The following MGA variants were observed in gnomAD, a reference collection of about 807,000 sequenced individuals.
MGA encodes MAX gene-associated protein.
Under a neutral mutation model 261.1 loss-of-function variants are expected in MGA, and 40 were observed. That is an observed-to-expected ratio of 0.15 (90% CI 0.12 to 0.20). The LOEUF (loss-of-function observed/expected upper bound fraction) is 0.20. Among genes scored for constraint, MGA ranks in the 10% least tolerant of loss-of-function variants. The pLI, the probability that MGA is intolerant of heterozygous loss-of-function variation, is 1.00. For missense variants in MGA, 3,397 were observed against 3,630.5 expected (o/e 0.94, Z 1.65); for synonymous variants, 1,302 against 1,290.6 (o/e 1.01, Z -0.19).
intron 2 of MGA, among the ~76,000 whole-genome samples, chr15:41,677,505 A>C (rs1703714195): frequency 6.6e-6 from 1 of 152,128 alleles, no homozygotes; most frequent in Non-Finnish European, 1.5e-5. Flanking sequence ...TCTATTTTTA[A>C]TTTTTTGAGG....
rs749852235 is a variant in MGA at position 41,736,349 on chromosome 15, A to G, written c.4085A>G (p.Asn1362Ser). ...ATCTTATCCCAGCACATCAATAGCA[A>G]CATGCCACAATCACTTAAGGTGGGC... The change falls in exon 13 of 24, where the codon AAC (asparagine) becomes AGC (serine). Residue 1362 changes from asparagine (N) to serine (S), a missense_variant. By Grantham distance (46) the Asn-to-Ser change is conservative. This residue lies in a region of MGA where 1,410 missense variants were observed against 1,386.4 expected (regional missense o/e 1.02). Transcript: ENST00000219905. 3.8e-5 allele frequency: 61 copies of G among 1,613,910 alleles called. No individual in the cohort carries two copies. Among genetic ancestry groups the G allele is most frequent in the Non-Finnish European group, 4.8e-5 (57 of 1,179,908 alleles).
chr15:41,641,720 C>G (rs1045282695), intron 1 of MGA, among the ~76,000 whole-genome samples: 4 of 151,770 alleles, frequency 2.6e-5, no homozygotes, highest in Non-Finnish European at 5.9e-5. Context: ...GATCTCTTGA[C>G]CTCGTGATCT....
intron 1 of MGA, among the ~76,000 whole-genome samples, chr15:41,660,760 T>C (rs1194305765): frequency 6.6e-6 from 1 of 152,126 alleles, no homozygotes; most frequent in Non-Finnish European, 1.5e-5. Context: ...TCCGCGTCGC[T>C]CAGCTACCTA....
At chr15:41,657,408 C>T (rs1424428404), upstream of MGA, among the ~76,000 whole-genome samples, 4 of 132,636 alleles carry the variant, frequency 3.0e-5, no homozygotes, top group Non-Finnish European at 3.1e-5. Context: ...GGCTGGAGTG[C>T]GGTGGCGCGA....
At position 41,768,591 on chromosome 15, in the gene MGA, A is replaced by G. The variant is rs1462033253; in HGVS notation, c.*1311A>G. ...GTATAGACTGGGATTTAGCTGCTGC[A>G]TTTTGCCTTTCTTAAATAATTATAT... On this transcript the variant is annotated 3_prime_UTR_variant, in exon 24 of 24. Transcript: ENST00000219905. The G allele has an allele frequency of 6.6e-6, 1 of 152,588 alleles. No homozygotes were observed. The highest frequency in any genetic ancestry group is 2.4e-5 in the African/African-American group (1 of 41,426). 9.5% of individuals were successfully genotyped at this position (152,588 alleles called of 1,614,324 possible).
chr15:41,658,008 A>G (rs2057242465), upstream of MGA, among the ~76,000 whole-genome samples: 1 of 152,224 alleles, frequency 6.6e-6, no homozygotes, highest in Admixed American at 6.5e-5. Flanking sequence ...TCCTCAGCAT[A>G]TAGTAGGCAC....
intron 1 of MGA, among the ~76,000 whole-genome samples, chr15:41,664,705 C>A (rs2057626834): frequency 6.6e-6 from 1 of 152,058 alleles, no homozygotes; most frequent in African/African-American, 2.4e-5. Flanking sequence ...TTAATAAGTA[C>A]AAGCTAGGAG....
In MGA at chr15:41,766,832, C is replaced by A. The variant is rs537089133; in HGVS notation, c.8750C>A (p.Ala2917Glu). The A allele has an allele frequency of 1.9e-6, 3 of 1,614,004 alleles. No individual in the cohort carries two copies. The highest frequency in any genetic ancestry group is 4.5e-5 in the East Asian group (2 of 44,890). Residue 2917 changes from alanine (A) to glutamate (E), a missense_variant, in exon 24 of 24, where the codon GCA becomes GAA. Physicochemically the swap from Ala to Glu is moderately radical, Grantham distance 107. This residue lies in a region of MGA where 647 missense variants were observed against 642.4 expected (regional missense o/e 1.01). Transcript: ENST00000219905. The stretch of plus-strand genomic sequence containing the variant: ...TTTTCTGAGAATGAAAAACAACTTG[C>A]AGAACCAGCCTCTGAGCCAGATGTC...
chr15:41,707,092 A>G (rs1362083046), intron 5 of MGA, among the ~76,000 whole-genome samples: 2 of 152,216 alleles, frequency 1.3e-5, no homozygotes, highest in Non-Finnish European at 2.9e-5. Flanking sequence ...GAGGCCTTAG[A>G]CAGTCTCTGG....
In MGA at chr15:41,749,578, A is replaced by G; in HGVS notation, c.5971A>G (p.Lys1991Glu). 1 of 1,613,994 alleles carries G rather than the reference A, an allele frequency of 6.2e-7. No individual in the cohort carries two copies. Among genetic ancestry groups the G allele is most frequent in the Non-Finnish European group, 8.5e-7 (1 of 1,179,884 alleles). Residue 1991 changes from lysine (K) to glutamate (E), a missense_variant, in exon 17 of 24, where the codon AAG becomes GAG. Physicochemically the swap from Lys to Glu is moderately conservative, Grantham distance 56. This residue lies in a region of MGA where 1,410 missense variants were observed against 1,386.4 expected (regional missense o/e 1.02). Coordinates refer to ENST00000219905, the MANE Select transcript of MGA (RefSeq NM_001164273.2). ...CTCAATAAAAAGAGAGCAAGAAACG[A>G]AGAAGGTTCTACAGTCAGAAGGAGA...
intron 13 of MGA, among the ~76,000 whole-genome samples, chr15:41,737,302 G>T (rs1393644360): frequency 6.6e-6 from 1 of 151,320 alleles, no homozygotes; most frequent in African/African-American, 2.4e-5. Flanking sequence ...TTTTGTGTTT[G>T]TGTGTGTTTT....
chr15:41,668,153 T>C (rs1323752911), intron 1 of MGA, among the ~76,000 whole-genome samples: 1 of 152,066 alleles, frequency 6.6e-6, no homozygotes, highest in East Asian at 1.9e-4. Context: ...CTTACTGGTT[T>C]TAGATTTTGT....
intron 19 of MGA, 132 bp from the exon 20 acceptor site, chr15:41,760,191 C>A: frequency 1.3e-6 from 1 of 765,760 alleles, no homozygotes; most frequent in Non-Finnish European, 2.2e-6. Context: ...AGTAAGATGA[C>A]CAATTGAGAG....
intron 9 of MGA, among the ~76,000 whole-genome samples, chr15:41,717,029 A>T (rs1361169510): frequency 6.6e-6 from 1 of 152,180 alleles, no homozygotes; most frequent in African/African-American, 2.4e-5. Context: ...TTATATGATA[A>T]GGAGGCTTCA....
intron 2 of MGA, among the ~76,000 whole-genome samples, chr15:41,679,479 C>T (rs1272780935): frequency 6.6e-6 from 1 of 152,006 alleles, no homozygotes; most frequent in East Asian, 1.9e-4. Context: ...TTCAATAATG[C>T]TTTTATGGTT....
chr15:41,651,622 C>CT (rs2057046344), intron 1 of MGA, among the ~76,000 whole-genome samples: 2 of 139,796 alleles, frequency 1.4e-5, no homozygotes, highest in African/African-American at 2.7e-5. Flanking sequence ...CCCCTCTCCT[C>CT]TCTCCTCTTC....
Position 41,696,905 on chromosome 15 carries a change from C to A in MGA, c.1895C>A (p.Thr632Lys). The A allele has an allele frequency of 6.3e-7, 1 of 1,599,432 alleles. No individual in the cohort carries two copies. The highest frequency in any genetic ancestry group is 8.5e-7 in the Non-Finnish European group (1 of 1,172,562). The change falls in exon 3 of 24, where the codon ACA becomes AAA. Residue 632 changes from threonine to lysine, a missense_variant. Around this residue, in one of 9 missense-constraint regions of MGA, gnomAD observed 563 missense variants for 563.6 expected, o/e 1.00. Coordinates refer to ENST00000219905, the MANE Select transcript of MGA (RefSeq NM_001164273.2). ...AAGGCAGGACGACCACCTAAGAACA[C>A]AGGAAAGTCTTTAATTTCTACAAAG... is the stretch of plus-strand genomic sequence containing the variant.
In MGA at chr15:41,665,295, G is replaced by T. The variant is rs370079686; in HGVS notation, c.-67-3533G>T. ...ACTGACCCACTTACACAGGAGTGGT[G>T]GTGATGTAGCATCTTCCTTTTTGTA... is the stretch of plus-strand genomic sequence containing the variant. On this transcript the variant is annotated intron_variant, in intron 1 of 23. Coordinates refer to ENST00000219905, the MANE Select transcript of MGA (RefSeq NM_001164273.2). Among the ~76,000 whole-genome samples, 7 of 152,154 alleles carry T rather than the reference G, an allele frequency of 4.6e-5. No individual in the cohort carries two copies. The East Asian group carries it at 5.8e-4, about 13-fold the overall frequency.
At chr15:41,726,071 C>T (rs1259203583) in intron 9 of MGA, among the ~76,000 whole-genome samples, 1 of 151,950 alleles carries the variant, frequency 6.6e-6, no homozygotes, top group South Asian at 2.1e-4. Context: ...ATGATTTTAC[C>T]TCAGTTGGGT....
Sources: gnomAD v4.1 joint callset for allele counts (sites outside exome capture counted in the v4.1 genomes callset) on GRCh38, gnomAD v4.1.1 for gene constraint, gnomAD v4.1.1 regional missense constraint, MANE v1.5 for transcripts, NCBI Gene and HGNC (gene_info 2026-07-23, HGNC 2026-07-21) for gene names.